PHLDB2: variants seen among roughly 807,000 people sequenced by gnomAD.
PHLDB2 encodes pleckstrin homology like domain family B member 2, also known as pleckstrin homology-like domain family B member 2.
In PHLDB2, 71 loss-of-function variants were observed where a neutral mutation model predicts 123.6. The observed-to-expected ratio is 0.57, with a 90% CI of 0.47 to 0.70. The LOEUF is 0.70. Ranked by LOEUF, PHLDB2 falls within the 30% of genes least tolerant of loss-of-function variation. The probability of loss-of-function intolerance (pLI) is 0.00; values close to 1 mark genes in which losing one functional copy is unlikely to be tolerated. For synonymous variants in PHLDB2, 547 were observed against 541.6 expected (o/e 1.01, Z -0.14); for missense variants, 1,446 against 1,519.5 (o/e 0.95, Z 0.80).
chr3:111,855,721 G>T (rs755676757), upstream of PHLDB2, among the ~76,000 whole-genome samples: 2 of 134,174 alleles, frequency 1.5e-5, no homozygotes, highest in Admixed American at 8.9e-5. Context: ...ACCCAGCCTC[G>T]AATTCTCAGG....
chr3:111,809,452 A>T (rs890982154), intron 1 of PHLDB2, among the ~76,000 whole-genome samples: 1 of 152,170 alleles, frequency 6.6e-6, no homozygotes, highest in Admixed American at 6.5e-5. Flanking sequence ...AGTCTATCTG[A>T]AGTCCAGCAG....
At chr3:111,885,756 T>C in intron 2 of PHLDB2, 2 of 600,990 alleles carry the variant, frequency 3.3e-6, no homozygotes, top group South Asian at 2.1e-5. Flanking sequence ...AAATGCTGAC[T>C]TGTATTATTT....
At chr3:111,760,293 T>C (rs1195009716) in intron 1 of PHLDB2, among the ~76,000 whole-genome samples, 1 of 152,198 alleles carries the variant, frequency 6.6e-6, no homozygotes, top group Non-Finnish European at 1.5e-5. Context: ...AAAATTCCTA[T>C]TTTACCTTAC....
chr3:111,793,195 A>G (rs1457174955), intron 1 of PHLDB2, among the ~76,000 whole-genome samples: 1 of 152,198 alleles, frequency 6.6e-6, no homozygotes. Context: ...CAGGAACTTT[A>G]GGAATCTACC....
At chr3:111,766,836 C>G (rs2060090508) in intron 1 of PHLDB2, among the ~76,000 whole-genome samples, 1 of 152,016 alleles carries the variant, frequency 6.6e-6, no homozygotes, top group Non-Finnish European at 1.5e-5. Context: ...AGTTCAAGAC[C>G]AGCCTGGCCA....
At chr3:111,873,906 A>C (rs1195033534) in intron 1 of PHLDB2, among the ~76,000 whole-genome samples, 2 of 152,216 alleles carry the variant, frequency 1.3e-5, no homozygotes, top group East Asian at 3.8e-4. Context: ...AGACAGAAAA[A>C]GATTTAGAGA....
intron 2 of PHLDB2, among the ~76,000 whole-genome samples, chr3:111,908,926 C>G (rs1389007363): frequency 6.6e-6 from 1 of 152,180 alleles, no homozygotes; most frequent in African/African-American, 2.4e-5. Flanking sequence ...GTTCCTGACT[C>G]TTGTGGTTTC....
At chr3:111,784,192 T>C (rs2060593101) in intron 1 of PHLDB2, among the ~76,000 whole-genome samples, 1 of 152,160 alleles carries the variant, frequency 6.6e-6, no homozygotes, top group Admixed American at 6.5e-5. Flanking sequence ...AAATGCATGA[T>C]TAAGGACATA....
intron 2 of PHLDB2, among the ~76,000 whole-genome samples, chr3:111,903,566 G>A (rs2067322564): frequency 6.6e-6 from 1 of 152,112 alleles, no homozygotes; most frequent in African/African-American, 2.4e-5. Flanking sequence ...TATTTTTCCT[G>A]TATTTCCTTT....
At chr3:111,855,505 T>G (rs556688196), upstream of PHLDB2, among the ~76,000 whole-genome samples, 3 of 5,672 alleles carry the variant, frequency 5.3e-4, no homozygotes, top group Admixed American at 0.014. Context: ...CTTCCTTCTT[T>G]TCTTTCCTTT....
intron 1 of PHLDB2, among the ~76,000 whole-genome samples, chr3:111,733,523 C>T (rs1941574650): frequency 1.3e-5 from 2 of 152,272 alleles, no homozygotes; most frequent in Middle Eastern, 3.4e-3. Context: ...CAAACATGAG[C>T]AAAACTAATA....
chr3:111,735,228 A>G (rs1941646241), intron 1 of PHLDB2, among the ~76,000 whole-genome samples: 1 of 152,198 alleles, frequency 6.6e-6, no homozygotes, highest in Admixed American at 6.5e-5. Context: ...GAGAGGCTTA[A>G]AGCCCGAGAA....
intron 12 of PHLDB2, among the ~76,000 whole-genome samples, chr3:111,955,576 G>C (rs575110308): frequency 6.6e-6 from 1 of 152,094 alleles, no homozygotes; most frequent in African/African-American, 2.4e-5. Flanking sequence ...TCAGCCTCTC[G>C]AGTAAGCTGG....
chr3:111,910,083 C>T (rs2067797170), intron 2 of PHLDB2, among the ~76,000 whole-genome samples: 1 of 152,092 alleles, frequency 6.6e-6, no homozygotes, highest in South Asian at 2.1e-4. Context: ...ACACAGTCCT[C>T]TGAAGATGGA....
chr3:111,813,041 T>C (rs2061912073), intron 1 of PHLDB2, among the ~76,000 whole-genome samples: 1 of 152,198 alleles, frequency 6.6e-6, no homozygotes, highest in Admixed American at 6.5e-5. Context: ...GCTTCAATAA[T>C]CAAAATCTAG....
chr3:111,945,217 A>C (rs17426817), intron 8 of PHLDB2, 51 bp from the exon 9 acceptor site: 62,641 of 1,198,386 alleles, frequency 0.052, 1,972 homozygotes, highest in Non-Finnish European at 0.061. Flanking sequence ...CATGCTTCTC[A>C]GTTGCATCGA....
At chr3:111,937,314 G>A (rs2069556590) in intron 6 of PHLDB2, among the ~76,000 whole-genome samples, 2 of 152,064 alleles carry the variant, frequency 1.3e-5, no homozygotes, top group Non-Finnish European at 2.9e-5. Flanking sequence ...GTTGAATATC[G>A]ATATAGAAAT....
intron 1 of PHLDB2, among the ~76,000 whole-genome samples, chr3:111,801,958 A>G (rs1193107717): frequency 2.1e-5 from 3 of 144,796 alleles, no homozygotes; most frequent in Admixed American, 2.1e-4. Context: ...AACTTTGTGA[A>G]TGTAATCACA....
At chr3:111,740,479 C>T (rs578051505) in intron 1 of PHLDB2, among the ~76,000 whole-genome samples, 9 of 152,056 alleles carry the variant, frequency 5.9e-5, no homozygotes, top group Non-Finnish European at 1.2e-4. Flanking sequence ...GATTTCTTGG[C>T]GGAGTCTTCA....
Sources: allele counts gnomAD v4.1 joint callset (sites outside exome capture counted in the v4.1 genomes callset), GRCh38; gene constraint gnomAD v4.1.1; transcripts MANE v1.5; gene names NCBI Gene and HGNC (gene_info 2026-07-23, HGNC 2026-07-21).